The following NLGN1 variants were observed in gnomAD, a reference collection of about 807,000 sequenced individuals.
NLGN1 encodes neuroligin-1.
NLGN1 carries 12 observed loss-of-function variants against 65.5 expected under a neutral mutation model. That is an observed-to-expected ratio of 0.18 (90% CI 0.12 to 0.30). The LOEUF (loss-of-function observed/expected upper bound fraction) is 0.30, where lower values mean the gene tolerates loss of function less well. NLGN1 is among the 10% of genes least tolerant of loss of function. NLGN1 has a pLI of 1.00. For missense variants in NLGN1, 750 were observed against 1,007.1 expected (o/e 0.74, Z 3.46); for synonymous variants, 350 against 359.5 (o/e 0.97, Z 0.30).
chr3:173,832,865 C>G (rs534131807), intron 4 of NLGN1, among the ~76,000 whole-genome samples: 1 of 151,832 alleles, frequency 6.6e-6, no homozygotes, highest in African/African-American at 2.4e-5. Flanking sequence ...TTATTTCTAT[C>G]CAAAAATTTC....
At chr3:174,118,941 T>C (rs1306796265) in intron 4 of NLGN1, among the ~76,000 whole-genome samples, 1 of 152,110 alleles carries the variant, frequency 6.6e-6, no homozygotes, top group Non-Finnish European at 1.5e-5. Context: ...GTATGTAATC[T>C]CAATATTCTT....
chr3:173,975,895 A>G (rs1234342227), intron 4 of NLGN1, among the ~76,000 whole-genome samples: 1 of 151,996 alleles, frequency 6.6e-6, no homozygotes, highest in African/African-American at 2.4e-5. Context: ...GGGCAGTCAT[A>G]TGTCTTGTTC....
intron 4 of NLGN1, among the ~76,000 whole-genome samples, chr3:173,942,345 C>T (rs1003708814): frequency 2.6e-5 from 4 of 151,886 alleles, no homozygotes; most frequent in African/African-American, 9.7e-5. Context: ...AGAAGAGCAC[C>T]CCATTCTAAT....
At chr3:173,496,623 T>G (rs563263103) in intron 2 of NLGN1, among the ~76,000 whole-genome samples, 1 of 151,924 alleles carries the variant, frequency 6.6e-6, no homozygotes, top group African/African-American at 2.4e-5. Context: ...TTATCACAAT[T>G]GACAGAGATG....
chr3:173,845,683 G>A (rs527285751), intron 4 of NLGN1, among the ~76,000 whole-genome samples: 1 of 152,022 alleles, frequency 6.6e-6, no homozygotes, highest in East Asian at 1.9e-4. Flanking sequence ...TAACTCAATA[G>A]GAAACATAAA....
intron 4 of NLGN1, among the ~76,000 whole-genome samples, chr3:173,870,336 T>C (rs1378375995): frequency 6.6e-6 from 1 of 152,204 alleles, no homozygotes; most frequent in Non-Finnish European, 1.5e-5. Flanking sequence ...AAAAACCTAA[T>C]AAAGTACATC....
chr3:173,712,225 C>T lies in NLGN1; in HGVS notation c.494-95455C>T, dbSNP rs552538245. Among the ~76,000 whole-genome samples the T allele has an allele frequency of 4.6e-5, 7 of 152,118 alleles. No homozygotes were observed. The South Asian group carries it at 1.5e-3, about 32-fold the overall frequency. On this transcript the variant is annotated intron_variant, in intron 3 of 6. Coordinates refer to ENST00000457714, the Ensembl canonical transcript of NLGN1. ...TTAGTTCATGTAATTATTACACTAA[C>T]TCAGTGAGGTAAGTATTGTACTTGG...
At position 174,059,439 on chromosome 3, in the gene NLGN1, G is replaced by A. The variant is rs570829688; in HGVS notation, c.647-215876G>A. Among the ~76,000 whole-genome samples, 6 of 152,138 alleles carry A rather than the reference G, an allele frequency of 3.9e-5. No homozygotes were observed. In the East Asian group the frequency reaches 1.2e-3, roughly 29 times the overall value. On this transcript the variant is annotated intron_variant, in intron 4 of 6. Coordinates refer to ENST00000457714, the Ensembl canonical transcript of NLGN1. ...GCTATAAATGAAAGGTTTTGGGTGG[G>A]GCAACAAAGGAGTTAAGTAATCAAA...
chr3:173,509,813 C>A (rs150484679), intron 2 of NLGN1, among the ~76,000 whole-genome samples: 2 of 151,998 alleles, frequency 1.3e-5, no homozygotes, highest in South Asian at 4.1e-4. Flanking sequence ...CCATACACTA[C>A]GTTTGAATTT....
chr3:174,068,315 C>T (rs1329309857), intron 4 of NLGN1, among the ~76,000 whole-genome samples: 1 of 152,118 alleles, frequency 6.6e-6, no homozygotes, highest in Admixed American at 6.6e-5. Context: ...TCCCTTCCAG[C>T]CTGCAACCGT....
At chr3:174,064,473 A>G (rs1199950393) in intron 4 of NLGN1, among the ~76,000 whole-genome samples, 2 of 151,812 alleles carry the variant, frequency 1.3e-5, no homozygotes, top group African/African-American at 2.4e-5. Flanking sequence ...TGACTCCACT[A>G]CTTACTAGCT....
chr3:173,709,368 T>C (rs563327689), intron 3 of NLGN1, among the ~76,000 whole-genome samples: 43 of 152,304 alleles, frequency 2.8e-4, no homozygotes, highest in Non-Finnish European at 5.9e-4. Flanking sequence ...TACTTGCTCC[T>C]CTGACCATAA....
chr3:173,480,571 A>G (rs1727108964), intron 2 of NLGN1, among the ~76,000 whole-genome samples: 1 of 152,158 alleles, frequency 6.6e-6, no homozygotes, highest in Admixed American at 6.6e-5. Flanking sequence ...TACTTTCCTT[A>G]TCTCATTACA....
At chr3:173,608,293 C>T (rs1751710288) in intron 3 of NLGN1, among the ~76,000 whole-genome samples, 2 of 151,754 alleles carry the variant, frequency 1.3e-5, no homozygotes, top group African/African-American at 4.8e-5. Context: ...TAGTTTTAGC[C>T]ATATGTTAAT....
At chr3:174,261,138 T>A (rs2152858567) in intron 4 of NLGN1, among the ~76,000 whole-genome samples, 1 of 152,300 alleles carries the variant, frequency 6.6e-6, no homozygotes, top group Admixed American at 6.5e-5. Context: ...AGCTTTGTTC[T>A]TTTGGCTTAG....
At chr3:174,047,722 T>C (rs1010713954) in intron 4 of NLGN1, among the ~76,000 whole-genome samples, 1 of 151,976 alleles carries the variant, frequency 6.6e-6, no homozygotes, top group Non-Finnish European at 1.5e-5. Context: ...TCTAGAGACT[T>C]TGTATCTATT....
chr3:173,742,753 G>C (rs1047461146), intron 3 of NLGN1, among the ~76,000 whole-genome samples: 1 of 151,988 alleles, frequency 6.6e-6, no homozygotes, highest in Admixed American at 6.6e-5. Context: ...TTTTTGCAAG[G>C]GAGCAAAAGT....
chr3:173,439,843 A>G (rs932556262), intron 2 of NLGN1, among the ~76,000 whole-genome samples: 2 of 152,052 alleles, frequency 1.3e-5, no homozygotes, highest in African/African-American at 4.8e-5. Flanking sequence ...ATGGCTACTG[A>G]CTGATCAGAG....
intron 3 of NLGN1, among the ~76,000 whole-genome samples, chr3:173,751,098 C>G (rs896331975): frequency 6.6e-6 from 1 of 152,030 alleles, no homozygotes; most frequent in African/African-American, 2.4e-5. Context: ...CTGTGGATTC[C>G]AGTCACAAAC....
Sources: gnomAD v4.1 joint callset for allele counts (sites outside exome capture counted in the v4.1 genomes callset) on GRCh38, gnomAD v4.1.1 for gene constraint, MANE v1.5 for transcripts, NCBI Gene and HGNC (gene_info 2026-07-23, HGNC 2026-07-21) for gene names.